Variants in USP54 observed in about 807,000 individuals in gnomAD.
USP54 encodes the protein ubiquitin specific peptidase 54.
A neutral mutation model predicts 170.5 loss-of-function variants in USP54; 87 were observed. The observed-to-expected ratio is 0.51, with a 90% CI of 0.43 to 0.61. The LOEUF (loss-of-function observed/expected upper bound fraction) is 0.61, where lower values mean the gene tolerates loss of function less well. Ranked by LOEUF, USP54 falls within the 20% of genes least tolerant of loss-of-function variation. USP54 has a pLI of 0.00. For synonymous variants in USP54, 655 were observed against 742.8 expected (o/e 0.88, Z 1.92); for missense variants, 1,786 against 2,047.8 (o/e 0.87, Z 2.47).
rs776396932 is a variant in USP54 at position 73,498,785 on chromosome 10, T to G, written c.4899A>C (p.Arg1633Ser). 6.2e-7 allele frequency: 1 copy of G among 1,613,576 alleles called. No homozygotes were observed. The highest frequency in any genetic ancestry group is 2.2e-5 in the East Asian group (1 of 44,870). ...VPGSRTPGPR[R>S]VDMPPDDDWR... ...AGTCATCATCTGGGGGCATATCTAC[T>G]CTTCGAGGACCAGGGGTTCGGGACC... The change falls in exon 24 of 24, where the codon AGA becomes AGC. Residue 1633 changes from arginine (R) to serine (S), a missense_variant. Physicochemically the swap from Arg to Ser is moderately radical, Grantham distance 110. Transcript: ENST00000687698.
rs1261623442 is a variant in USP54, at chr10:73,517,462, A to G, written c.2964T>C (p.Ser988=). Residue 988 remains serine (S), a synonymous_variant, in exon 20 of 24, where the codon AGT becomes AGC. Coordinates refer to ENST00000687698, the MANE Select transcript of USP54 (RefSeq NM_001391956.1). ...CCTCTGGGGCATCCAATGGCTCCCA[A>G]CTATGATGAGAATTCTTCTCAGTCC... ...PGWTEKNSHH[S]WEPLDAPEGK... is the part of the protein sequence containing the mutation. The G allele has an allele frequency of 1.2e-6, 2 of 1,614,214 alleles. No homozygotes were observed. Among genetic ancestry groups the G allele is most frequent in the South Asian group, 1.1e-5 (1 of 91,088 alleles).
chr10:73,571,137 CAAAAAAAAAAAAA>C lies in USP54; in HGVS notation c.240+271_240+283del, dbSNP rs59126730. 4.0e-3 allele frequency among the ~76,000 whole-genome samples: 179 copies of C among 44,328 alleles called. 3 individuals are homozygous for C. Among genetic ancestry groups the C allele is most frequent in the Middle Eastern group, 0.014 (1 of 70 alleles). The allele number at this position is 44,328 out of a possible 152,430, so 29.1% of individuals were successfully genotyped here. A position where few individuals can be genotyped will look rare whatever the true frequency, so the allele number is the denominator to read the frequency against. On this transcript the variant is annotated intron_variant, in intron 4 of 23. Coordinates refer to ENST00000687698, the MANE Select transcript of USP54 (RefSeq NM_001391956.1). ...TGGGTGACAGAGTGAGACTTCATCC[CAAAAAAAAAAAAA>C]AAAAAAAAAAAAAGGAGAAGCATAC...
At chr10:73,570,990 T>C (rs576754720) in intron 4 of USP54, among the ~76,000 whole-genome samples, 4 of 151,520 alleles carry the variant, frequency 2.6e-5, no homozygotes, top group Non-Finnish European at 5.9e-5. Flanking sequence ...ATACAAAAAT[T>C]AACCGAGCAT....
At chr10:73,584,534 A>G (rs2077259177) in intron 1 of USP54, among the ~76,000 whole-genome samples, 1 of 152,230 alleles carries the variant, frequency 6.6e-6, no homozygotes, top group Non-Finnish European at 1.5e-5. Context: ...TCAGAGCTAA[A>G]TGTGCGCAGA....
intron 5 of USP54, 112 bp downstream of exon 5, chr10:73,545,426 T>C: frequency 7.3e-7 from 1 of 1,373,092 alleles, no homozygotes; most frequent in South Asian, 1.4e-5. Flanking sequence ...AACTCCTAGT[T>C]CTAACTGTAG....
chr10:73,523,527 T>C (rs2062261439), intron 17 of USP54, 56 bp downstream of exon 17: 4 of 1,471,046 alleles, frequency 2.7e-6, no homozygotes, highest in Non-Finnish European at 2.7e-6. Flanking sequence ...TAGATGTTTT[T>C]TTCTACCCTT....
chr10:73,583,340 A>C (rs111547328), intron 1 of USP54, among the ~76,000 whole-genome samples: 13,198 of 152,148 alleles, frequency 0.087, 850 homozygotes, highest in African/African-American at 0.18. Flanking sequence ...GGCTGGAGTA[A>C]AATGGCGCGA....
At chr10:73,527,381 C>A (rs2063082548) in intron 15 of USP54, among the ~76,000 whole-genome samples, 1 of 151,716 alleles carries the variant, frequency 6.6e-6, no homozygotes, top group African/African-American at 2.4e-5. Context: ...GCCTGTAGTG[C>A]CAGCTACTAG....
chr10:73,617,645 T>C (rs1396845869), intron 1 of USP54, among the ~76,000 whole-genome samples: 1 of 149,638 alleles, frequency 6.7e-6, no homozygotes, highest in East Asian at 1.9e-4. Flanking sequence ...GCCTGGGCAA[T>C]ATAGTGAGAC....
At position 73,517,725 on chromosome 10, in the gene USP54, C is replaced by T. The variant is rs768578493; in HGVS notation, c.2701G>A (p.Val901Ile). Residue 901 changes from valine to isoleucine, a missense_variant, in exon 20 of 24, where the codon GTA (valine) becomes ATA (isoleucine). Val to Ile is a conservative substitution (Grantham distance 29). Coordinates refer to ENST00000687698, the MANE Select transcript of USP54 (RefSeq NM_001391956.1). Reference sequence around the variant, plus strand: ...AGTTGGGCCTCTTGGCTTAACAATACTTGGAGCGGGATAGGCTGTTCACTG... The same window carrying T: ...AGTTGGGCCTCTTGGCTTAACAATATTTGGAGCGGGATAGGCTGTTCACTG... ...PTSEQPIPLQ[V>I]LLSQEAQLES... is the part of the protein sequence containing the mutation. 3 of 1,613,494 alleles carry T rather than the reference C, an allele frequency of 1.9e-6. No individual in the cohort carries two copies. The highest frequency in any genetic ancestry group is 1.3e-5 in the African/African-American group (1 of 74,916).
intron 20 of USP54, among the ~76,000 whole-genome samples, chr10:73,508,071 G>A (rs1000175059): frequency 1.7e-4 from 26 of 152,232 alleles, no homozygotes; most frequent in South Asian, 4.1e-4. Context: ...TCCTGGACAA[G>A]AAGGTAGCCA....
intron 4 of USP54, among the ~76,000 whole-genome samples, chr10:73,555,755 G>A (rs1014182989): frequency 5.9e-5 from 9 of 152,118 alleles, no homozygotes; most frequent in African/African-American, 2.2e-4. Flanking sequence ...AAAACTGAAA[G>A]GGGACACCCT....
chr10:73,516,527 T>C lies in USP54; in HGVS notation c.3899A>G (p.Asn1300Ser). ...SHTCVTYPER[N>S]HILLHPHWNQ... ...CCAATGTGGATGCAAAAGGATGTGATTTCTCTCTGGATAGGTTACACACGT... is the reference window on the plus strand; with the variant it reads ...CCAATGTGGATGCAAAAGGATGTGACTTCTCTCTGGATAGGTTACACACGT... The change falls in exon 20 of 24, where the codon AAT becomes AGT. Residue 1300 changes from asparagine to serine, a missense_variant. Physicochemically the swap from Asn to Ser is conservative, Grantham distance 46. Around this residue, in one of 3 missense-constraint regions of USP54, gnomAD observed 1,418 missense variants for 1,569.0 expected, o/e 0.90. Coordinates refer to ENST00000687698, the MANE Select transcript of USP54 (RefSeq NM_001391956.1). The C allele has an allele frequency of 6.2e-7, 1 of 1,614,188 alleles. No homozygotes were observed. Among genetic ancestry groups the C allele is most frequent in the Non-Finnish European group, 8.5e-7 (1 of 1,180,044 alleles).
chr10:73,512,477 G>A (rs2060365791), intron 20 of USP54, among the ~76,000 whole-genome samples: 1 of 151,776 alleles, frequency 6.6e-6, no homozygotes, highest in Non-Finnish European at 1.5e-5. Context: ...TTTAAACCAA[G>A]GACTCTAACA....
rs191892820 is a variant in USP54, at chr10:73,526,548, G to A, written c.2194+99C>T. On this transcript the variant is annotated intron_variant, in intron 16 of 23. Transcript: ENST00000687698. ...AGGTGTGAGCCACCGCGCCCGGCCT[G>A]TAACTGTCCTCTAATTTCAAATGTG... The A allele has an allele frequency of 1.8e-4, 285 of 1,543,104 alleles. No individual in the cohort carries two copies. The African/African-American group carries it at 3.2e-3, about 17-fold the overall frequency.
chr10:73,589,957 G>T (rs2078039943), intron 1 of USP54, among the ~76,000 whole-genome samples: 1 of 152,146 alleles, frequency 6.6e-6, no homozygotes, highest in African/African-American at 2.4e-5. Flanking sequence ...TCACATCCTA[G>T]CTCTACCACT....
In USP54 at chr10:73,532,687, C is replaced by A. The variant is rs190393834; in HGVS notation, c.1316-1852G>T. Among the ~76,000 whole-genome samples, 378 of 152,214 alleles carry A rather than the reference C, an allele frequency of 2.5e-3. 1 individual carries two copies. The highest frequency in any genetic ancestry group is 8.7e-3 in the African/African-American group (363 of 41,536). ...CACAAGTCTGACAAAACCTCTAGGT[C>A]CAACTACCAATTTACAAGAAATATA... On this transcript the variant is annotated intron_variant, in intron 12 of 23. Coordinates refer to ENST00000687698, the MANE Select transcript of USP54 (RefSeq NM_001391956.1).
chr10:73,516,633 T>G lies in USP54; in HGVS notation c.3793A>C (p.Asn1265His). The change falls in exon 20 of 24, where the codon AAT (asparagine) becomes CAT (histidine). Residue 1265 changes from asparagine to histidine, a missense_variant. Asn to His is a moderately conservative substitution (Grantham distance 68). Coordinates refer to ENST00000687698, the MANE Select transcript of USP54 (RefSeq NM_001391956.1). ...TGAGAATCACAGAACCTTGTGATAT[T>G]CACCCAGGAATCCAAAGGCAAGGAA... ...GTSLPLDSWV[N>H]ITRFCDSQLK... 6.2e-7 allele frequency: 1 copy of G among 1,614,238 alleles called. No homozygotes were observed. The highest frequency in any genetic ancestry group is 1.1e-5 in the South Asian group (1 of 91,084).
chr10:73,561,334 T>G (rs999585629), intron 4 of USP54, among the ~76,000 whole-genome samples: 7 of 151,966 alleles, frequency 4.6e-5, no homozygotes, highest in African/African-American at 1.7e-4. Context: ...TTTCTAAAAC[T>G]TCATGAAGGG....
Sources: gnomAD v4.1 joint callset for allele counts (sites outside exome capture counted in the v4.1 genomes callset) on GRCh38, gnomAD v4.1.1 for gene constraint, gnomAD v4.1.1 regional missense constraint, MANE v1.5 for transcripts, NCBI Gene and HGNC (gene_info 2026-07-23, HGNC 2026-07-21) for gene names.